Variants in TEAD3 observed in about 807,000 individuals in gnomAD.
The protein encoded by TEAD3 is TEA domain transcription factor 3, also known as transcriptional enhancer factor TEF-5.
In TEAD3, 15 loss-of-function variants were observed where a neutral mutation model predicts 55.6. The ratio of observed to expected loss-of-function variants is 0.27; its 90% CI spans 0.18 to 0.42. The LOEUF (loss-of-function observed/expected upper bound fraction) is 0.42, where lower values mean the gene tolerates loss of function less well. Ranked by LOEUF, TEAD3 falls within the 10% of genes least tolerant of loss-of-function variation. The probability of loss-of-function intolerance (pLI) is 1.00; values close to 1 mark genes in which losing one functional copy is unlikely to be tolerated. For missense variants in TEAD3, 407 were observed against 576.8 expected (o/e 0.71, Z 3.01); for synonymous variants, 210 against 232.2 (o/e 0.90, Z 0.87).
Position 35,486,450 on chromosome 6 carries a change from C to G in TEAD3, c.202+11G>C, listed in dbSNP as rs749598159. ...AGGGCCGCAGTCCCGCCCGCGCCCC[C>G]CGGCACGCACCGTACATCTTGCCCT... On this transcript the variant is annotated intron_variant, in intron 2 of 12. Transcript: ENST00000639578. This position sits in a 1 kb window ranked among gnomAD's most constrained non-coding sequence, Gnocchi z 7.3. The G allele has an allele frequency of 3.7e-6, 6 of 1,607,886 alleles. No individual in the cohort carries two copies. The highest frequency in any genetic ancestry group is 5.1e-6 in the Non-Finnish European group (6 of 1,175,910).
chr6:35,495,831 C>T (rs1338786249), intron 1 of TEAD3, among the ~76,000 whole-genome samples: 1 of 152,206 alleles, frequency 6.6e-6, no homozygotes, highest in Non-Finnish European at 1.5e-5. Context: ...AGCCCCTACC[C>T]CTATGCCCTG....
rs888217257 is a variant in TEAD3 at position 35,485,914 on chromosome 6, G to C, written c.202+547C>G. On this transcript the variant is annotated intron_variant, in intron 2 of 12. Coordinates refer to ENST00000639578, the Ensembl canonical transcript of TEAD3. This position sits in a 1 kb window ranked among gnomAD's most constrained non-coding sequence, Gnocchi z 4.3. ...AGAGCCCTCTCAGGGCTGGACAAGA[G>C]GGGACACTCCCTTCTGGAAATGGGC... is the stretch of plus-strand genomic sequence containing the variant. Among the ~76,000 whole-genome samples the C allele has an allele frequency of 6.6e-6, 1 of 152,224 alleles. No individual in the cohort carries two copies. Among genetic ancestry groups the C allele is most frequent in the Non-Finnish European group, 1.5e-5 (1 of 68,046 alleles).
Position 35,484,759 on chromosome 6 carries a change from C to T in TEAD3, c.203-135G>A. The T allele has an allele frequency of 1.3e-6, 1 of 781,382 alleles. No homozygotes were observed. Among genetic ancestry groups the T allele is most frequent in the Admixed American group, 2.1e-5 (1 of 47,094 alleles). 48.4% of individuals were successfully genotyped at this position (781,382 alleles called of 1,614,324 possible). A position where few individuals can be genotyped will look rare whatever the true frequency, so the allele number is the denominator to read the frequency against. On this transcript the variant is annotated intron_variant, in intron 2 of 12. Coordinates refer to ENST00000639578, the Ensembl canonical transcript of TEAD3. The surrounding 1 kb of genome is among the most constrained non-coding windows in gnomAD (Gnocchi z 5.8). ...CTTCTGTTCCTCACTCTCTTCACCC[C>T]AAGCTGCACATGCAGGGCATGCAAA...
At chr6:35,495,910 G>A (rs1768635202) in intron 1 of TEAD3, among the ~76,000 whole-genome samples, 1 of 152,234 alleles carries the variant, frequency 6.6e-6, no homozygotes, top group Non-Finnish European at 1.5e-5. Flanking sequence ...AGACACAGAA[G>A]AAGACAGCCC....
chr6:35,476,703 C>T (rs1398620871), intron 8 of TEAD3, among the ~76,000 whole-genome samples: 2 of 152,246 alleles, frequency 1.3e-5, no homozygotes, highest in African/African-American at 4.8e-5. Flanking sequence ...ATCCCACCAT[C>T]TAGAAAGAGA....
chr6:35,490,351 G>A (rs1232255387), intron 1 of TEAD3, among the ~76,000 whole-genome samples: 1 of 152,172 alleles, frequency 6.6e-6, no homozygotes, highest in African/African-American at 2.4e-5. Context: ...GGGGAGGGGA[G>A]GGGGGACGGC....
At chr6:35,482,017 C>T (rs538887224) in intron 3 of TEAD3, among the ~76,000 whole-genome samples, 1 of 152,346 alleles carries the variant, frequency 6.6e-6, no homozygotes, top group African/African-American at 2.4e-5. Context: ...TGGAGTCTCG[C>T]TCTGTCACCC....
intron 1 of TEAD3, among the ~76,000 whole-genome samples, chr6:35,490,297 G>T (rs1005169724): frequency 2.6e-5 from 4 of 152,190 alleles, no homozygotes; most frequent in African/African-American, 9.6e-5. Flanking sequence ...GACTGGGGGG[G>T]CGGGGCAGGC....
rs140489134 is a variant in TEAD3 at position 35,483,446 on chromosome 6, C to T, written c.267+1114G>A. Among the ~76,000 whole-genome samples the T allele has an allele frequency of 3.8e-3, 575 of 152,304 alleles. 7 individuals carry two copies. The highest frequency in any genetic ancestry group is 0.013 in the African/African-American group (531 of 41,568). On this transcript the variant is annotated intron_variant, in intron 3 of 12. Coordinates refer to ENST00000639578, the Ensembl canonical transcript of TEAD3. The surrounding 1 kb of genome is among the most constrained non-coding windows in gnomAD (Gnocchi z 4.5). The stretch of plus-strand genomic sequence containing the variant: ...GGGGCCATCACTCCCATCCACTCCC[C>T]TTCAGGTTTCTGTCACTACACTGCC...
chr6:35,480,126 T>TAGAG, intron 3 of TEAD3, 186 bp downstream of exon 4: 2 of 1,545,012 alleles, frequency 1.3e-6, no homozygotes, highest in Non-Finnish European at 1.7e-6. Context: ...TAGAGACCTG[T>TAGAG]AGAGAGAGAA....
In TEAD3 at chr6:35,484,550, G is replaced by A. The variant is rs367987040; in HGVS notation, c.267+10C>T. 30 of 1,598,632 alleles carry A rather than the reference G, an allele frequency of 1.9e-5. No individual in the cohort carries two copies. Among genetic ancestry groups the A allele is most frequent in the African/African-American group, 1.1e-4 (8 of 74,752 alleles). ...GTGGGTGGCAGGCCCAGCATAAACCGTCTCTCTACCTGTTTTCTCGTCCGA... is the reference window on the plus strand; with the variant it reads ...GTGGGTGGCAGGCCCAGCATAAACCATCTCTCTACCTGTTTTCTCGTCCGA... On this transcript the variant is annotated intron_variant, in intron 3 of 12. Coordinates refer to ENST00000639578, the Ensembl canonical transcript of TEAD3. This position sits in a 1 kb window ranked among gnomAD's most constrained non-coding sequence, Gnocchi z 5.8.
At chr6:35,477,782 T>A (rs1331701971) in intron 7 of TEAD3, among the ~76,000 whole-genome samples, 1 of 151,712 alleles carries the variant, frequency 6.6e-6, no homozygotes. Context: ...TGCATGCTGA[T>A]GAGAGAATGC....
rs1223679844 is a variant in TEAD3, at chr6:35,486,108, C to T, written c.202+353G>A. 1.3e-5 allele frequency among the ~76,000 whole-genome samples: 2 copies of T among 152,216 alleles called. No individual in the cohort carries two copies. The highest frequency in any genetic ancestry group is 1.9e-4 in the East Asian group (1 of 5,170). ...GAGTCACCGGGCGACTATCACCGGG[C>T]CTCCTTTCCACATCCTCCTCCGGGA... On this transcript the variant is annotated intron_variant, in intron 2 of 12. Coordinates refer to ENST00000639578, the Ensembl canonical transcript of TEAD3. This position sits in a 1 kb window ranked among gnomAD's most constrained non-coding sequence, Gnocchi z 7.3.
intron 1 of TEAD3, among the ~76,000 whole-genome samples, chr6:35,494,458 G>A (rs1768597627): frequency 6.6e-6 from 1 of 152,178 alleles, no homozygotes; most frequent in South Asian, 2.1e-4. Context: ...ACACCAGGAG[G>A]GGAGGGGAGG....
Position 35,483,856 on chromosome 6 carries a change from T to C in TEAD3, c.267+704A>G, listed in dbSNP as rs1768313439. 6.6e-6 allele frequency among the ~76,000 whole-genome samples: 1 copy of C among 151,804 alleles called. No homozygotes were observed. Among genetic ancestry groups the C allele is most frequent in the Admixed American group, 6.6e-5 (1 of 15,242 alleles). On this transcript the variant is annotated intron_variant, in intron 3 of 12. Transcript: ENST00000639578. The surrounding 1 kb of genome is among the most constrained non-coding windows in gnomAD (Gnocchi z 4.5). ...GCTTGAAGAAGTTACTTAACTTCCC[T>C]ATGCATCAGTTTCCTCATAGTAAAA...
At chr6:35,495,133 G>C (rs1393784062) in intron 1 of TEAD3, among the ~76,000 whole-genome samples, 4 of 152,208 alleles carry the variant, frequency 2.6e-5, no homozygotes, top group Non-Finnish European at 5.9e-5. Context: ...TGGCGCAACT[G>C]GTTAAAGGTC....
At chr6:35,492,559 T>A (rs1432823148) in intron 1 of TEAD3, among the ~76,000 whole-genome samples, 2 of 152,084 alleles carry the variant, frequency 1.3e-5, no homozygotes, top group Non-Finnish European at 2.9e-5. Flanking sequence ...GAGGAAGCAA[T>A]TTGCAGAGCC....
At chr6:35,490,170 C>T (rs951932086) in intron 1 of TEAD3, among the ~76,000 whole-genome samples, 1 of 152,190 alleles carries the variant, frequency 6.6e-6, no homozygotes, top group African/African-American at 2.4e-5. Context: ...CTGCCCGCCT[C>T]CCCTCAAGCA....
chr6:35,475,324 C>T lies in TEAD3; in HGVS notation c.1194+12G>A, dbSNP rs1285482948. The T allele has an allele frequency of 2.1e-5, 34 of 1,611,760 alleles. No homozygotes were observed. The highest frequency in any genetic ancestry group is 2.9e-5 in the Non-Finnish European group (34 of 1,178,470). On this transcript the variant is annotated intron_variant, in intron 12 of 12. Transcript: ENST00000639578. This position sits in a 1 kb window ranked among gnomAD's most constrained non-coding sequence, Gnocchi z 5.4. Reference sequence around the variant, plus strand: ...CCTGTGGGACTCCCCACGACCCCTGCTGCCCCCATACCTGCAGGATGGTGA... The same window carrying T: ...CCTGTGGGACTCCCCACGACCCCTGTTGCCCCCATACCTGCAGGATGGTGA...
Sources: allele counts gnomAD v4.1 joint callset (sites outside exome capture counted in the v4.1 genomes callset), GRCh38; gene constraint gnomAD v4.1.1; non-coding constraint Gnocchi (gnomAD v3.1); transcripts MANE v1.5; gene names NCBI Gene and HGNC (gene_info 2026-07-23, HGNC 2026-07-21).